The following SLC35F4 variants were observed in gnomAD, a reference collection of about 807,000 sequenced individuals.
SLC35F4 encodes solute carrier family 35 member F4.
A neutral mutation model predicts 44.2 loss-of-function variants in SLC35F4; 24 were observed. The observed-to-expected ratio is 0.54, with a 90% CI of 0.39 to 0.76. The LOEUF (loss-of-function observed/expected upper bound fraction) is 0.76. Ranked by LOEUF, SLC35F4 falls within the 30% of genes least tolerant of loss-of-function variation. The pLI is 0.00. For missense variants in SLC35F4, 562 were observed against 586.1 expected (o/e 0.96, Z 0.42); for synonymous variants, 238 against 223.6 (o/e 1.06, Z -0.57).
At chr14:57,799,212 C>A (rs1174833222) in intron 1 of SLC35F4, among the ~76,000 whole-genome samples, 1 of 152,154 alleles carries the variant, frequency 6.6e-6, no homozygotes, top group African/African-American at 2.4e-5. Context: ...GCCAAAGAAA[C>A]CCCCACCCCC....
intron 1 of SLC35F4, chr14:57,631,308 G>T (rs2072758682): frequency 6.6e-6 from 1 of 152,056 alleles, no homozygotes; most frequent in Non-Finnish European, 1.5e-5. Context: ...CTTTTTTCTG[G>T]TTCCTATGAA....
chr14:57,755,821 G>T (rs1431766456), intron 1 of SLC35F4, among the ~76,000 whole-genome samples: 1 of 152,106 alleles, frequency 6.6e-6, no homozygotes, highest in Non-Finnish European at 1.5e-5. Flanking sequence ...TCCACATTTC[G>T]CAGGGGACTC....
intron 1 of SLC35F4, among the ~76,000 whole-genome samples, chr14:57,803,531 G>A (rs1454690713): frequency 1.3e-5 from 2 of 149,742 alleles, no homozygotes; most frequent in African/African-American, 4.9e-5. Context: ...ATTTGCAGAT[G>A]ACATGATCCT....
chr14:57,887,162 A>G (rs1480523567), intron 1 of SLC35F4, among the ~76,000 whole-genome samples: 1 of 152,218 alleles, frequency 6.6e-6, no homozygotes, highest in African/African-American at 2.4e-5. Flanking sequence ...GCAGGTTTAC[A>G]TGAAGGGAGG....
intron 1 of SLC35F4, among the ~76,000 whole-genome samples, chr14:57,666,907 C>T (rs990826871): frequency 4.6e-5 from 7 of 151,796 alleles, no homozygotes; most frequent in African/African-American, 7.3e-5. Context: ...CCCAGGGAGA[C>T]GGAGACTACA....
chr14:57,845,297 G>A (rs148477125), intron 1 of SLC35F4, among the ~76,000 whole-genome samples: 1 of 152,310 alleles, frequency 6.6e-6, no homozygotes, highest in East Asian at 1.9e-4. Context: ...CTATGCCCTT[G>A]GGCAAGGTAA....
At chr14:57,629,884 TGA>T (rs2072680518) in intron 1 of SLC35F4, 5 of 408,928 alleles carry the variant, frequency 1.2e-5, no homozygotes, top group African/African-American at 2.0e-5. Flanking sequence ...TGCTCTAGGC[TGA>T]GACTCACACC....
At chr14:57,610,592 C>G (rs2071436211) in intron 1 of SLC35F4, among the ~76,000 whole-genome samples, 1 of 152,196 alleles carries the variant, frequency 6.6e-6, no homozygotes, top group Admixed American at 6.5e-5. Flanking sequence ...TTCACTTTGT[C>G]TCACAATTTT....
At chr14:57,637,946 G>A (rs2073077762) in intron 1 of SLC35F4, among the ~76,000 whole-genome samples, 1 of 152,024 alleles carries the variant, frequency 6.6e-6, no homozygotes, top group African/African-American at 2.4e-5. Flanking sequence ...CAGCATTAAT[G>A]TTAAAATAAA....
At chr14:57,868,806 T>C (rs1888236623), upstream of SLC35F4, among the ~76,000 whole-genome samples, 1 of 152,192 alleles carries the variant, frequency 6.6e-6, no homozygotes, top group Non-Finnish European at 1.5e-5. Flanking sequence ...TTTGCATGTT[T>C]AGTCTACCAG....
At chr14:57,642,286 C>T (rs998469763) in intron 1 of SLC35F4, among the ~76,000 whole-genome samples, 8 of 151,218 alleles carry the variant, frequency 5.3e-5, no homozygotes, top group Middle Eastern at 3.4e-3. Context: ...CATTGAAGAC[C>T]GAGAGCTAGT....
At chr14:57,750,002 A>G (rs1677813454) in intron 1 of SLC35F4, among the ~76,000 whole-genome samples, 1 of 152,138 alleles carries the variant, frequency 6.6e-6, no homozygotes, top group African/African-American at 2.4e-5. Flanking sequence ...TAAATAACAC[A>G]TGTTGTACTC....
intron 1 of SLC35F4, among the ~76,000 whole-genome samples, chr14:57,861,674 C>T (rs978079086): frequency 1.3e-4 from 20 of 152,186 alleles, no homozygotes; most frequent in African/African-American, 4.3e-4. Context: ...CAAATTCAAT[C>T]GGTCTTCTTT....
chr14:57,664,785 T>C (rs2074253449), intron 1 of SLC35F4, among the ~76,000 whole-genome samples: 1 of 152,148 alleles, frequency 6.6e-6, no homozygotes, highest in African/African-American at 2.4e-5. Context: ...AATAAATGTA[T>C]CAACTACTGG....
chr14:57,723,937 T>G (rs2076144301), intron 1 of SLC35F4, among the ~76,000 whole-genome samples: 1 of 152,206 alleles, frequency 6.6e-6, no homozygotes, highest in South Asian at 2.1e-4. Context: ...TTCAGGGATC[T>G]TCTACCTCAG....
intron 1 of SLC35F4, among the ~76,000 whole-genome samples, chr14:57,981,188 G>C (rs1881369585): frequency 6.6e-6 from 1 of 152,142 alleles, no homozygotes; most frequent in South Asian, 2.1e-4. Flanking sequence ...TTCTGAACTG[G>C]TTTCTTGTTT....
chr14:57,647,548 A>G (rs113965179), intron 1 of SLC35F4, among the ~76,000 whole-genome samples: 1 of 151,876 alleles, frequency 6.6e-6, no homozygotes, highest in African/African-American at 2.4e-5. Flanking sequence ...GACAACTTCA[A>G]CCCCTTAATG....
intron 4 of SLC35F4, among the ~76,000 whole-genome samples, chr14:57,580,189 C>A (rs930556121): frequency 2.6e-5 from 4 of 152,162 alleles, no homozygotes; most frequent in African/African-American, 9.7e-5. Context: ...TCCCAAGATA[C>A]AATCAGAATT....
chr14:57,813,224 C>T (rs1882173444), intron 1 of SLC35F4, among the ~76,000 whole-genome samples: 1 of 152,220 alleles, frequency 6.6e-6, no homozygotes, highest in Non-Finnish European at 1.5e-5. Context: ...ACACCACGCC[C>T]TACTGGGGCA....
Sources: allele counts gnomAD v4.1 joint callset (sites outside exome capture counted in the v4.1 genomes callset), GRCh38; gene constraint gnomAD v4.1.1; transcripts MANE v1.5; gene names NCBI Gene and HGNC (gene_info 2026-07-23, HGNC 2026-07-21).